Variants in DHRSX observed in about 807,000 individuals in gnomAD.
DHRSX encodes the protein dehydrogenase/reductase X-linked, also known as polyprenol dehydrogenase.
A neutral mutation model predicts 34.0 loss-of-function variants in DHRSX; 31 were observed. The observed-to-expected ratio is 0.91, with a 90% CI of 0.69 to 1.23. DHRSX has a LOEUF of 1.23. Among genes scored for constraint, DHRSX ranks in the 50% most tolerant of loss-of-function variants. The pLI is 0.00. For missense variants in DHRSX, 414 were observed against 428.1 expected, an observed-to-expected ratio of 0.97 and a Z score of 0.29; for synonymous variants, 201 against 183.8, an observed-to-expected ratio of 1.09 and a Z score of -0.76.
intron 3 of DHRSX, among the ~76,000 whole-genome samples, chrX:2,304,204 A>ATGGATGGATAGATGGATGG (rs2042067645): frequency 1.3e-4 from 8 of 62,044 alleles, no homozygotes; most frequent in African/African-American, 6.0e-4. Flanking sequence ...TGGATGGATA[A>ATGGATGGATAGATGGATGG]ATGGATGGAT....
intron 3 of DHRSX, among the ~76,000 whole-genome samples, chrX:2,357,912 C>T (rs2124583053): frequency 6.6e-6 from 1 of 152,178 alleles, no homozygotes; most frequent in East Asian, 1.9e-4. Context: ...TGGGGTGTGG[C>T]TACCATAGTC....
rs747602244 is a variant in DHRSX, at chrX:2,467,697, G to A, written c.109+33120C>T. Reference sequence around the variant, plus strand: ...TGGATCAAGAATAAAAAGTGCAGCCGGACGTGGTGGCTCACACCTGTAATC... The same window carrying A: ...TGGATCAAGAATAAAAAGTGCAGCCAGACGTGGTGGCTCACACCTGTAATC... On this transcript the variant is annotated intron_variant, in intron 1 of 6. Transcript: ENST00000334651. Among the ~76,000 whole-genome samples the A allele has an allele frequency of 5.8e-4, 89 of 152,210 alleles. 1 individual carries two copies. Among genetic ancestry groups the A allele is most frequent in the Non-Finnish European group, 8.7e-4 (59 of 68,008 alleles).
At chrX:2,330,520 A>AG (rs925925261) in intron 3 of DHRSX, among the ~76,000 whole-genome samples, 1 of 126,454 alleles carries the variant, frequency 7.9e-6, no homozygotes, top group African/African-American at 3.3e-5. Flanking sequence ...ACTCCGTGAA[A>AG]GAAAAAAAAA....
rs973670053 is a variant in DHRSX, at chrX:2,259,359, G to T, written c.596+7381C>A. Among the ~76,000 whole-genome samples the T allele has an allele frequency of 1.1e-3, 123 of 110,856 alleles. 1 individual carries two copies. Among genetic ancestry groups the T allele is most frequent in the Middle Eastern group, 4.4e-3 (1 of 228 alleles). The allele number at this position is 110,856 out of a possible 152,430, so 72.7% of individuals were successfully genotyped here. A position where few individuals can be genotyped will look rare whatever the true frequency, so the allele number is the denominator to read the frequency against. ...ATATATAGATATAGATATATAGATAGATATAGATATATATAGATATATATA... is the reference window on the plus strand; with the variant it reads ...ATATATAGATATAGATATATAGATATATATAGATATATATAGATATATATA... On this transcript the variant is annotated intron_variant, in intron 5 of 6. Coordinates refer to ENST00000334651, the MANE Select transcript of DHRSX (RefSeq NM_145177.3).
intron 3 of DHRSX, among the ~76,000 whole-genome samples, chrX:2,342,056 T>C (rs1602974924): frequency 6.6e-6 from 1 of 152,244 alleles, no homozygotes; most frequent in East Asian, 1.9e-4. Context: ...TCTGTCCGCC[T>C]CGGCCTCCCA....
At chrX:2,293,691 T>C (rs1160102070) in intron 3 of DHRSX, among the ~76,000 whole-genome samples, 1 of 152,116 alleles carries the variant, frequency 6.6e-6, no homozygotes, top group Non-Finnish European at 1.5e-5. Context: ...GCAGGGCTGC[T>C]GGTGGTCAGT....
At chrX:2,259,715 C>G (rs1467076060) in intron 5 of DHRSX, among the ~76,000 whole-genome samples, 1 of 152,118 alleles carries the variant, frequency 6.6e-6, no homozygotes, top group East Asian at 1.9e-4. Flanking sequence ...CCCTTCCTGC[C>G]TTTCCCAGCT....
At chrX:2,377,188 C>G (rs1261010631) in intron 3 of DHRSX, among the ~76,000 whole-genome samples, 2 of 151,906 alleles carry the variant, frequency 1.3e-5, no homozygotes, top group African/African-American at 4.8e-5. Flanking sequence ...ACTGTGAGTG[C>G]AGGGGGAAGG....
chrX:2,345,566 A>C (rs1331989017), intron 3 of DHRSX, among the ~76,000 whole-genome samples: 1 of 151,730 alleles, frequency 6.6e-6, no homozygotes, highest in African/African-American at 2.4e-5. Context: ...AGAATTGCTC[A>C]AACCTGGGAG....
intron 3 of DHRSX, among the ~76,000 whole-genome samples, chrX:2,326,478 GC>G (rs1227189052): frequency 6.6e-6 from 1 of 152,096 alleles, no homozygotes; most frequent in Non-Finnish European, 1.5e-5. Flanking sequence ...AGCCCAGATC[GC>G]ACCACTGCAC....
chrX:2,431,909 G>A (rs1460134542), intron 1 of DHRSX, among the ~76,000 whole-genome samples: 1 of 152,088 alleles, frequency 6.6e-6, no homozygotes, highest in Non-Finnish European at 1.5e-5. Flanking sequence ...AATAGAAGTT[G>A]AGGCCAGATG....
chrX:2,319,542 C>CAA (rs776261461), intron 3 of DHRSX, among the ~76,000 whole-genome samples: 1,257 of 106,930 alleles, frequency 0.012, 28 homozygotes, highest in African/African-American at 0.03. Context: ...GACTCCATCT[C>CAA]AAAAAAAAAA....
At chrX:2,382,760 CAT>C (rs1353226899) in intron 3 of DHRSX, among the ~76,000 whole-genome samples, 81 of 129,210 alleles carry the variant, frequency 6.3e-4, no homozygotes, top group East Asian at 2.6e-3. Context: ...TCACTATCAT[CAT>C]CATCATCATC....
chrX:2,364,102 A>C (rs1481482390), intron 3 of DHRSX, among the ~76,000 whole-genome samples: 2 of 152,132 alleles, frequency 1.3e-5, no homozygotes, highest in African/African-American at 4.8e-5. Context: ...GTCCCTTTCC[A>C]GAGCCTCAGA....
chrX:2,436,334 C>T (rs2043990483), intron 1 of DHRSX, among the ~76,000 whole-genome samples: 1 of 151,880 alleles, frequency 6.6e-6, no homozygotes, highest in Non-Finnish European at 1.5e-5. Flanking sequence ...GGGCTGGAGA[C>T]ACAGTGAGTT....
chrX:2,346,637 T>G (rs1329388587), intron 3 of DHRSX, among the ~76,000 whole-genome samples: 7 of 129,380 alleles, frequency 5.4e-5, no homozygotes, highest in African/African-American at 2.1e-4. Context: ...GGATGTTGTA[T>G]GAGTCTGGTT....
intron 3 of DHRSX, among the ~76,000 whole-genome samples, chrX:2,294,206 G>A (rs1299743379): frequency 6.6e-6 from 1 of 151,472 alleles, no homozygotes; most frequent in South Asian, 2.1e-4. Context: ...AGAGAGGGAC[G>A]GGAGACAGTA....
chrX:2,372,063 G>A (rs1321933293), intron 3 of DHRSX, among the ~76,000 whole-genome samples: 1 of 152,072 alleles, frequency 6.6e-6, no homozygotes, highest in Non-Finnish European at 1.5e-5. Flanking sequence ...CGTGACCCCT[G>A]ACCCCTGTTC....
At chrX:2,255,171 G>T (rs1185244481) in intron 5 of DHRSX, among the ~76,000 whole-genome samples, 1 of 151,946 alleles carries the variant, frequency 6.6e-6, no homozygotes, top group Non-Finnish European at 1.5e-5. Context: ...TACCACATTG[G>T]CCTGGATGGT....
Sources: allele counts gnomAD v4.1 joint callset (sites outside exome capture counted in the v4.1 genomes callset), GRCh38; gene constraint gnomAD v4.1.1; transcripts MANE v1.5; gene names NCBI Gene and HGNC (gene_info 2026-07-23, HGNC 2026-07-21).